Variants in PDE1A observed in about 807,000 individuals in gnomAD.
PDE1A encodes phosphodiesterase 1A.
Under a neutral mutation model 61.7 loss-of-function variants are expected in PDE1A, and 35 were observed. The ratio of observed to expected loss-of-function variants is 0.57; its 90% CI spans 0.43 to 0.75. PDE1A has a LOEUF of 0.75. PDE1A is among the 30% of genes least tolerant of loss of function. The pLI, the probability that PDE1A is intolerant of heterozygous loss-of-function variation, is 0.00. For synonymous variants in PDE1A, 232 were observed against 213.2 expected, an observed-to-expected ratio of 1.09 and a Z score of -0.77; for missense variants, 597 against 630.6, an observed-to-expected ratio of 0.95 and a Z score of 0.57.
chr2:182,232,071 C>G (rs574073452), intron 4 of PDE1A, among the ~76,000 whole-genome samples: 1 of 152,118 alleles, frequency 6.6e-6, no homozygotes, highest in Admixed American at 6.5e-5. Flanking sequence ...GCTTGAGGGA[C>G]AAGTGGTGAG....
chr2:182,484,207 T>C (rs1034088385), intron 2 of PDE1A, among the ~76,000 whole-genome samples: 1 of 151,982 alleles, frequency 6.6e-6, no homozygotes, highest in African/African-American at 2.4e-5. Flanking sequence ...CACAACCTTT[T>C]TCATCAACTA....
At chr2:182,604,947 T>A in the PDE1A span, among the ~76,000 whole-genome samples, 3 of 152,084 alleles carry the variant, frequency 2.0e-5, no homozygotes, top group Admixed American at 6.6e-5. Context: ...GAAAGAAAGA[T>A]ATTTTCTTTC....
At chr2:182,524,780 T>G (rs146237466), upstream of PDE1A, among the ~76,000 whole-genome samples, 2 of 151,964 alleles carry the variant, frequency 1.3e-5, no homozygotes, top group African/African-American at 2.4e-5. Context: ...ATTGAGAAAA[T>G]AGTCATAAAA....
At chr2:182,574,156 C>T in the PDE1A span, among the ~76,000 whole-genome samples, 8 of 151,780 alleles carry the variant, frequency 5.3e-5, no homozygotes, top group African/African-American at 1.9e-4. Context: ...AAGATGTAGG[C>T]TGGGAGGCTA....
chr2:182,326,656 G>T (rs1574357759), intron 1 of PDE1A, among the ~76,000 whole-genome samples: 1 of 152,164 alleles, frequency 6.6e-6, no homozygotes, highest in East Asian at 1.9e-4. Context: ...ACAACACTGT[G>T]AATGTAATTA....
chr2:182,462,228 A>C (rs902437284), intron 2 of PDE1A, among the ~76,000 whole-genome samples: 9 of 152,046 alleles, frequency 5.9e-5, no homozygotes, highest in Non-Finnish European at 7.4e-5. Flanking sequence ...TGGGTGCAGC[A>C]CACCAACATG....
At chr2:182,463,456 A>G (rs1686442600) in intron 2 of PDE1A, 1 of 152,024 alleles carries the variant, frequency 6.6e-6, no homozygotes, top group African/African-American at 2.4e-5. Flanking sequence ...AAGCAAGCCC[A>G]CTCTGATTTA....
intron 1 of PDE1A, among the ~76,000 whole-genome samples, chr2:182,336,209 G>A (rs1697798667): frequency 6.6e-6 from 1 of 152,156 alleles, no homozygotes. Flanking sequence ...AGACAGTATG[G>A]CGATTCCTCA....
Position 182,516,987 on chromosome 2 carries a change from G to T in PDE1A, c.101+5289C>A, listed in dbSNP as rs148343621. 2.6e-5 allele frequency among the ~76,000 whole-genome samples: 4 copies of T among 152,188 alleles called. No homozygotes were observed. In the East Asian group the frequency reaches 5.8e-4, roughly 22 times the overall value. On this transcript the variant is annotated intron_variant, in intron 2 of 14. Transcript: ENST00000410103. ...GCTCCTTTAATTCTCCCTTTCAAAT[G>T]AAGTAACATATCCTTTGGTTCAGGG...
chr2:182,432,894 A>C (rs1704027042), intron 2 of PDE1A, among the ~76,000 whole-genome samples: 1 of 151,906 alleles, frequency 6.6e-6, no homozygotes, highest in African/African-American at 2.4e-5. Context: ...CTACAGCTAA[A>C]ATCCAGGGCT....
chr2:182,626,157 T>C, the PDE1A span, among the ~76,000 whole-genome samples: 1 of 152,220 alleles, frequency 6.6e-6, no homozygotes, highest in Non-Finnish European at 1.5e-5. Context: ...GACACTTGTC[T>C]GATTTGCTCC....
the PDE1A span, among the ~76,000 whole-genome samples, chr2:182,553,446 T>C: frequency 1.3e-5 from 2 of 152,192 alleles, no homozygotes; most frequent in Non-Finnish European, 2.9e-5. Context: ...GCTGGGCTGG[T>C]CTCGAGCTCC....
At chr2:182,412,094 T>C (rs1234747917) in intron 1 of PDE1A, among the ~76,000 whole-genome samples, 2 of 152,012 alleles carry the variant, frequency 1.3e-5, no homozygotes, top group African/African-American at 2.4e-5. Flanking sequence ...TTCCAAAATG[T>C]TAAGTGTTGG....
chr2:182,270,726 T>C (rs1331597739), intron 1 of PDE1A, among the ~76,000 whole-genome samples: 1 of 151,216 alleles, frequency 6.6e-6, no homozygotes, highest in Non-Finnish European at 1.5e-5. Flanking sequence ...ACCTATAATA[T>C]ATATTAATAT....
intron 1 of PDE1A, among the ~76,000 whole-genome samples, chr2:182,365,743 C>A (rs1411146889): frequency 6.6e-5 from 10 of 151,958 alleles, no homozygotes; most frequent in Admixed American, 5.3e-4. Context: ...TCCCAGAATT[C>A]TTTTGATTGA....
chr2:182,370,797 T>G (rs771707678), intron 1 of PDE1A, among the ~76,000 whole-genome samples: 33 of 152,128 alleles, frequency 2.2e-4, no homozygotes, highest in Middle Eastern at 3.2e-3. Context: ...GAGTGTGCTG[T>G]TGAAACAGAA....
the PDE1A span, among the ~76,000 whole-genome samples, chr2:182,572,585 T>C: frequency 6.6e-6 from 1 of 152,116 alleles, no homozygotes; most frequent in Non-Finnish European, 1.5e-5. Flanking sequence ...CTACAGTGTT[T>C]TAAAAGTGAA....
intron 11 of PDE1A, among the ~76,000 whole-genome samples, chr2:182,188,083 A>C (rs920123609): frequency 6.6e-6 from 1 of 152,098 alleles, no homozygotes; most frequent in Non-Finnish European, 1.5e-5. Context: ...TAGACTGTCA[A>C]CTGGGGCATC....
chr2:182,260,102 G>A (rs1172061078), intron 2 of PDE1A, among the ~76,000 whole-genome samples: 1 of 152,144 alleles, frequency 6.6e-6, no homozygotes, highest in Non-Finnish European at 1.5e-5. Context: ...TCTTTAAAGG[G>A]AGATTTTTGT....
Sources: allele counts gnomAD v4.1 joint callset (sites outside exome capture counted in the v4.1 genomes callset), GRCh38; gene constraint gnomAD v4.1.1; transcripts MANE v1.5; gene names NCBI Gene and HGNC (gene_info 2026-07-23, HGNC 2026-07-21).